Variants in ZNF384 observed in about 807,000 individuals in gnomAD.
ZNF384 encodes the protein CAG repeat protein 1.
ZNF384 carries 20 observed loss-of-function variants against 65.0 expected under a neutral mutation model. That is an observed-to-expected ratio of 0.31 (90% confidence interval 0.22 to 0.45). ZNF384 has a LOEUF of 0.45. Among genes scored for constraint, ZNF384 ranks in the 20% least tolerant of loss-of-function variants. The pLI, the probability that ZNF384 is intolerant of heterozygous loss-of-function variation, is 1.00. For missense variants in ZNF384, 549 were observed against 769.4 expected (o/e 0.71, Z 3.39); for synonymous variants, 310 against 303.9 (o/e 1.02, Z -0.21).
In ZNF384 at chr12:6,672,434, C is replaced by T. The variant is rs771849673; in HGVS notation, c.1103G>A (p.Arg368His). Residue 368 changes from arginine to histidine, a missense_variant, in exon 9 of 12, where the codon CGT becomes CAT. Coordinates refer to ENST00000683879, the MANE Select transcript of ZNF384 (RefSeq NM_001385745.1). The surrounding 1 kb of genome is among the most constrained non-coding windows in gnomAD (Gnocchi z 4.4). The stretch of plus-strand genomic sequence containing the variant: ...GTAGGGCTTGGCCCCCGAGTGGATA[C>T]GGAGGTGCTGGGCCAGGTAGGAGGT... ...ANTSYLAQHL[R>H]IHSGAKPYNC... 6 of 1,614,146 alleles carry T rather than the reference C, an allele frequency of 3.7e-6. No homozygotes were observed. Among genetic ancestry groups the T allele is most frequent in the Non-Finnish European group, 5.1e-6 (6 of 1,180,008 alleles).
At chr12:6,680,572 GGGAGGC>G (rs993179577) in intron 2 of ZNF384, among the ~76,000 whole-genome samples, 2 of 151,644 alleles carry the variant, frequency 1.3e-5, no homozygotes, top group African/African-American at 4.8e-5. Flanking sequence ...TGCTTGAACC[GGGAGGC>G]GGAGGTTTCA....
rs1474536886 is a variant in ZNF384 at position 6,667,972 on chromosome 12, G to A, written c.1569C>T (p.Ala523=). 6.2e-7 allele frequency: 1 copy of A among 1,611,990 alleles called. No homozygotes were observed. The highest frequency in any genetic ancestry group is 8.5e-7 in the Non-Finnish European group (1 of 1,178,796). ...AQAQAQAQAQ[A]QAQASQASQQ... Reference sequence around the variant, plus strand: ...GTGATGCCTGGGAGGCCTGGGCCTGGGCCTGGGCTTGAGCCTGAGCCTGAG... The same window carrying A: ...GTGATGCCTGGGAGGCCTGGGCCTGAGCCTGGGCTTGAGCCTGAGCCTGAG... The change falls in exon 12 of 12, where the codon GCC becomes GCT. Residue 523 remains alanine (A), a synonymous_variant. Transcript: ENST00000683879.
Position 6,678,631 on chromosome 12 carries a change from G to A in ZNF384, c.352+32C>T. ...GAAAAATAATGGTCTCCTAACCCTT[G>A]TCCCCACCCCCCTGGTAACAGTGAG... On this transcript the variant is annotated intron_variant, in intron 5 of 11. Transcript: ENST00000683879. This position sits in a 1 kb window ranked among gnomAD's most constrained non-coding sequence, Gnocchi z 4.9. 1 of 1,608,104 alleles carries A rather than the reference G, an allele frequency of 6.2e-7. No individual in the cohort carries two copies. Among genetic ancestry groups the A allele is most frequent in the Non-Finnish European group, 8.5e-7 (1 of 1,178,114 alleles).
Position 6,667,809 on chromosome 12 carries a change from C to T in ZNF384, c.1732G>A (p.Asp578Asn), listed in dbSNP as rs964848773. Residue 578 changes from aspartate (D) to asparagine (N), a missense_variant, in exon 12 of 12, where the codon GAC becomes AAC. Around this residue, in one of 5 missense-constraint regions of ZNF384, gnomAD observed 136 missense variants for 183.0 expected, o/e 0.74. Coordinates refer to ENST00000683879, the MANE Select transcript of ZNF384 (RefSeq NM_001385745.1). ...NPNPPPQCSF[D>N]LTPYKTAEHH... ...TCCGCCGTCTTATACGGGGTCAGGT[C>T]AAAGGAACACTGGGGTGGAGGGTTG... The T allele has an allele frequency of 1.2e-6, 2 of 1,614,054 alleles. No homozygotes were observed. Among genetic ancestry groups the T allele is most frequent in the Non-Finnish European group, 1.7e-6 (2 of 1,180,038 alleles).
At chr12:6,680,454 G>T (rs572147420) in intron 2 of ZNF384, among the ~76,000 whole-genome samples, 2 of 152,124 alleles carry the variant, frequency 1.3e-5, no homozygotes, top group Admixed American at 1.3e-4. Context: ...TTCGAGACCA[G>T]GCTGACCAAC....
chr12:6,681,435 G>A (rs1210612694), intron 2 of ZNF384, among the ~76,000 whole-genome samples: 4 of 152,090 alleles, frequency 2.6e-5, no homozygotes, highest in Admixed American at 2.6e-4. Flanking sequence ...AAATAAGAGA[G>A]TGTGAGACTG....
intron 7 of ZNF384, among the ~76,000 whole-genome samples, chr12:6,675,427 A>T (rs1004619876): frequency 6.6e-6 from 1 of 152,230 alleles, no homozygotes; most frequent in East Asian, 1.9e-4. Context: ...CTACTTTAAG[A>T]TTCTTAACAC....
chr12:6,687,421 A>G (rs1958329944), intron 2 of ZNF384, among the ~76,000 whole-genome samples: 1 of 152,016 alleles, frequency 6.6e-6, no homozygotes. Flanking sequence ...AATAAATAAG[A>G]CTGGAGAAGA....
At chr12:6,679,381 G>A in intron 3 of ZNF384, 74 bp downstream of exon 3, 2 of 1,426,846 alleles carry the variant, frequency 1.4e-6, no homozygotes, top group Non-Finnish European at 2.0e-6. Context: ...ACAGCATGTG[G>A]TGTACCTTCA....
At chr12:6,681,043 C>G (rs183339713) in intron 2 of ZNF384, among the ~76,000 whole-genome samples, 2 of 152,100 alleles carry the variant, frequency 1.3e-5, no homozygotes, top group Admixed American at 6.6e-5. Context: ...ATGGTGAAAC[C>G]CCATCTCTAC....
chr12:6,673,694 G>A lies in ZNF384; in HGVS notation c.780-254C>T, dbSNP rs546026378. On this transcript the variant is annotated intron_variant, in intron 7 of 11. Coordinates refer to ENST00000683879, the MANE Select transcript of ZNF384 (RefSeq NM_001385745.1). The surrounding 1 kb of genome is among the most constrained non-coding windows in gnomAD (Gnocchi z 4.7). ...AAATGTATTTCAACCAGATAAAACA[G>A]AAACAGTATGAACTCTGGGCAGATG... is the stretch of plus-strand genomic sequence containing the variant. Among the ~76,000 whole-genome samples the A allele has an allele frequency of 6.6e-6, 1 of 152,298 alleles. No homozygotes were observed. Among genetic ancestry groups the A allele is most frequent in the East Asian group, 1.9e-4 (1 of 5,190 alleles).
At position 6,679,545 on chromosome 12, in the gene ZNF384, A is replaced by T; in HGVS notation, c.-5-20T>A. On this transcript the variant is annotated intron_variant, in intron 2 of 11. Transcript: ENST00000683879. The stretch of plus-strand genomic sequence containing the variant: ...TTCTACCTGAAGAAAAAATGAGAGA[A>T]CATGTCACACTCAGGAATTACTCAG... The T allele has an allele frequency of 1.9e-6, 3 of 1,585,198 alleles. No homozygotes were observed. The highest frequency in any genetic ancestry group is 1.7e-6 in the Non-Finnish European group (2 of 1,154,200).
intron 7 of ZNF384, among the ~76,000 whole-genome samples, chr12:6,674,646 T>C (rs1437650555): frequency 6.6e-6 from 1 of 152,206 alleles, no homozygotes; most frequent in Admixed American, 6.5e-5. Context: ...GCTCTGTTTA[T>C]AGTGAGCATA....
In ZNF384 at chr12:6,673,236, G is replaced by A; in HGVS notation, c.984C>T (p.Ser328=). 2 of 1,614,124 alleles carry A rather than the reference G, an allele frequency of 1.2e-6. No homozygotes were observed. Among genetic ancestry groups the A allele is most frequent in the Non-Finnish European group, 1.7e-6 (2 of 1,180,012 alleles). The part of the protein sequence containing the change: ...NFCEKSFRQL[S]HLQQHTRIHS... ...CTTACCGGGTGTGCTGCTGAAGGTG[G>A]GAGAGCTGGCGGAAGGATTTCTCAC... The change falls in exon 8 of 12, where the codon TCC becomes TCT. Residue 328 remains serine, a synonymous_variant. Coordinates refer to ENST00000683879, the MANE Select transcript of ZNF384 (RefSeq NM_001385745.1). This position sits in a 1 kb window ranked among gnomAD's most constrained non-coding sequence, Gnocchi z 4.7.
chr12:6,674,060 A>C lies in ZNF384; in HGVS notation c.780-620T>G, dbSNP rs1321191087. Among the ~76,000 whole-genome samples the C allele has an allele frequency of 2.6e-5, 4 of 151,882 alleles. No individual in the cohort carries two copies. In the East Asian group the frequency reaches 7.7e-4, roughly 29 times the overall value. ...CTGATGTTGCATCCATCATCTACCC[A>C]CCCCTTGCCCACAGCCCCTTGACAA... On this transcript the variant is annotated intron_variant, in intron 7 of 11. Coordinates refer to ENST00000683879, the MANE Select transcript of ZNF384 (RefSeq NM_001385745.1).
chr12:6,684,885 T>C (rs1957339333), intron 2 of ZNF384, among the ~76,000 whole-genome samples: 1 of 152,148 alleles, frequency 6.6e-6, no homozygotes, highest in Non-Finnish European at 1.5e-5. Flanking sequence ...CACTCAAATA[T>C]CTGCTTACTG....
At chr12:6,687,114 A>AAGGGCCATCCCAGT (rs1958203020) in intron 2 of ZNF384, among the ~76,000 whole-genome samples, 1 of 152,228 alleles carries the variant, frequency 6.6e-6, no homozygotes, top group Non-Finnish European at 1.5e-5. Flanking sequence ...GACATTCAAG[A>AAGGGCCATCCCAGT]AGGGCCATCC....
chr12:6,669,224 T>C, intron 10 of ZNF384, 35 bp from the exon 11 acceptor site: 1 of 1,572,478 alleles, frequency 6.4e-7, no homozygotes. Context: ...ATGAATACAT[T>C]GTACTCTTTC....
intron 2 of ZNF384, among the ~76,000 whole-genome samples, chr12:6,680,572 G>A (rs1037681866): frequency 2.0e-5 from 3 of 151,766 alleles, no homozygotes; most frequent in East Asian, 2.0e-4. Flanking sequence ...TGCTTGAACC[G>A]GGAGGCGGAG....
Sources: gnomAD v4.1 joint callset for allele counts (sites outside exome capture counted in the v4.1 genomes callset) on GRCh38, gnomAD v4.1.1 for gene constraint, gnomAD v4.1.1 regional missense constraint, Gnocchi (gnomAD v3.1) non-coding constraint, MANE v1.5 for transcripts, NCBI Gene and HGNC (gene_info 2026-07-23, HGNC 2026-07-21) for gene names.